Variants in ESCO2 observed in about 807,000 individuals in gnomAD.
The protein encoded by ESCO2 is N-acetyltransferase ESCO2.
Under a neutral mutation model 61.7 loss-of-function variants are expected in ESCO2, and 51 were observed. That is an observed-to-expected ratio of 0.83 (90% CI 0.66 to 1.04). The LOEUF (loss-of-function observed/expected upper bound fraction) is 1.04. Ranked by LOEUF, ESCO2 falls within the 50% of genes least tolerant of loss-of-function variation. The pLI, the probability that ESCO2 is intolerant of heterozygous loss-of-function variation, is 0.00. For missense variants in ESCO2, 692 were observed against 686.2 expected (o/e 1.01, Z -0.09); for synonymous variants, 230 against 238.2 (o/e 0.97, Z 0.32).
downstream of ESCO2, among the ~76,000 whole-genome samples, chr8:27,813,598 A>C (rs540861726): frequency 1.6e-4 from 24 of 152,008 alleles, no homozygotes; most frequent in Admixed American, 7.2e-4. Context: ...GCTAATTAAC[A>C]TATCTATCAC....
chr8:27,810,695 G>A (rs115747705), downstream of ESCO2, among the ~76,000 whole-genome samples: 1,988 of 152,052 alleles, frequency 0.013, 43 homozygotes, highest in African/African-American at 0.045. Context: ...ATAGGTTATC[G>A]ACCCCTACTT....
Position 27,803,867 on chromosome 8 carries a change from G to A in ESCO2, c.*429G>A. 1 of 989,494 alleles carries A rather than the reference G, an allele frequency of 1.0e-6. No homozygotes were observed. 61.3% of individuals were successfully genotyped at this position (989,494 alleles called of 1,614,324 possible). A position where few individuals can be genotyped will look rare whatever the true frequency, so the allele number is the denominator to read the frequency against. On this transcript the variant is annotated 3_prime_UTR_variant, in exon 11 of 11. Coordinates refer to ENST00000305188, the MANE Select transcript of ESCO2 (RefSeq NM_001017420.3). ...AACAGGCAAATTTAAACTTGGGCAA[G>A]TAATTTCTGTGCCCAATTTGTAAAG...
At chr8:27,783,387 G>A (rs182722766) in intron 4 of ESCO2, among the ~76,000 whole-genome samples, 104 of 152,144 alleles carry the variant, frequency 6.8e-4, no homozygotes, top group African/African-American at 2.5e-3. Flanking sequence ...TCAGATATAT[G>A]ATTGCAAATA....
In ESCO2 at chr8:27,784,854, C is replaced by G. The variant is rs560748143; in HGVS notation, c.1013+797C>G. Among the ~76,000 whole-genome samples the G allele has an allele frequency of 3.3e-5, 5 of 152,350 alleles. No individual in the cohort carries two copies. In the East Asian group the frequency reaches 9.6e-4, roughly 29 times the overall value. On this transcript the variant is annotated intron_variant, in intron 5 of 10. Coordinates refer to ENST00000305188, the MANE Select transcript of ESCO2 (RefSeq NM_001017420.3). The stretch of plus-strand genomic sequence containing the variant: ...TTCCCGGCTACATTTTCCTTACTCT[C>G]AGAGCACCTCACCTTAAATTGCCTC...
At chr8:27,781,737 AG>A (rs1366602434) in intron 4 of ESCO2, among the ~76,000 whole-genome samples, 2 of 151,794 alleles carry the variant, frequency 1.3e-5, no homozygotes, top group Non-Finnish European at 2.9e-5. Flanking sequence ...ATTTTTGTTA[AG>A]ATGGGGTTTC....
downstream of ESCO2, among the ~76,000 whole-genome samples, chr8:27,815,953 G>A (rs555811316): frequency 1.8e-4 from 28 of 152,324 alleles, no homozygotes; most frequent in African/African-American, 6.7e-4. Context: ...GGTTGATACA[G>A]AAACAGTTTA....
At position 27,805,166 on chromosome 8, in the gene ESCO2, C is replaced by G. The variant is rs1385914907; in HGVS notation, c.*1728C>G. 1 of 132,318 alleles carries G rather than the reference C, an allele frequency of 7.6e-6. No homozygotes were observed. Among genetic ancestry groups the G allele is most frequent in the Admixed American group, 7.5e-5 (1 of 13,314 alleles). 8.2% of individuals were successfully genotyped at this position (132,318 alleles called of 1,614,324 possible). A position where few individuals can be genotyped will look rare whatever the true frequency, so the allele number is the denominator to read the frequency against. ...GCGCGGTGGCGGGCGCCTGTAGTCCCAGCTACTCGGGAGGCTGAGGCAGGA... is the reference window on the plus strand; with the variant it reads ...GCGCGGTGGCGGGCGCCTGTAGTCCGAGCTACTCGGGAGGCTGAGGCAGGA... On this transcript the variant is annotated 3_prime_UTR_variant, in exon 11 of 11. Coordinates refer to ENST00000305188, the MANE Select transcript of ESCO2 (RefSeq NM_001017420.3).
downstream of ESCO2, among the ~76,000 whole-genome samples, chr8:27,815,820 A>G (rs1805799416): frequency 6.6e-6 from 1 of 152,218 alleles, no homozygotes; most frequent in Non-Finnish European, 1.5e-5. Flanking sequence ...ATAGTATTTA[A>G]ACATAATGGA....
chr8:27,797,953 T>C (rs1473537818), intron 9 of ESCO2, among the ~76,000 whole-genome samples: 1 of 152,222 alleles, frequency 6.6e-6, no homozygotes, highest in Non-Finnish European at 1.5e-5. Flanking sequence ...TGTAGCTAAC[T>C]AACTGTTCTC....
chr8:27,780,438 C>T (rs373541680), intron 4 of ESCO2, among the ~76,000 whole-genome samples, 171 bp downstream of exon 4: 19 of 152,048 alleles, frequency 1.2e-4, no homozygotes, highest in African/African-American at 4.3e-4. Context: ...CAGTGCATTG[C>T]GTTTTGAAAA....
At chr8:27,811,142 A>C, downstream of ESCO2, 1 of 1,613,634 alleles carries the variant, frequency 6.2e-7, no homozygotes, top group Non-Finnish European at 8.5e-7. Context: ...TCACTGAAAC[A>C]AGCAAGATGG....
At chr8:27,806,615 ACTTT>A (rs1172128941), downstream of ESCO2, among the ~76,000 whole-genome samples, 3 of 147,596 alleles carry the variant, frequency 2.0e-5, no homozygotes, top group Admixed American at 6.7e-5. Flanking sequence ...AGTATTGGAT[ACTTT>A]CTTTTTTTTT....
rs1278956671 is a variant in ESCO2 at position 27,791,995 on chromosome 8, T to C, written c.1296T>C (p.Phe432=). 5 of 1,614,180 alleles carry C rather than the reference T, an allele frequency of 3.1e-6. No individual in the cohort carries two copies. The highest frequency in any genetic ancestry group is 4.2e-6 in the Non-Finnish European group (5 of 1,180,022). The change falls in exon 8 of 11, where the codon TTT becomes TTC. Residue 432 remains phenylalanine, a synonymous_variant. Transcript: ENST00000305188. ...AGAAAGAACGTGTAGTAGCAGAGTT[T>C]TGGGATGGGAAAATCGTGTTGGTTC... ...GWKKERVVAE[F]WDGKIVLVLP... is the part of the protein sequence containing the mutation.
intron 9 of ESCO2, 67 bp from the exon 10 acceptor site, chr8:27,799,473 AT>A (rs879156261): frequency 1.8e-4 from 269 of 1,511,464 alleles, no homozygotes; most frequent in South Asian, 2.7e-4. Flanking sequence ...TATTTAAGGA[AT>A]TTTTTTTTAA....
chr8:27,819,287 GTTC>G, the ESCO2 span, among the ~76,000 whole-genome samples: 1 of 151,632 alleles, frequency 6.6e-6, no homozygotes, highest in South Asian at 2.1e-4. Context: ...TCTGCTTTCT[GTTC>G]TTAGGGCGTC....
chr8:27,802,618 AAAAAAAAAAAAAATATATAT>A (rs1307690813), intron 10 of ESCO2, among the ~76,000 whole-genome samples: 2 of 71,180 alleles, frequency 2.8e-5, no homozygotes, highest in Non-Finnish European at 5.4e-5. Flanking sequence ...AAAAAAAAAA[AAAAAAAAAAAAAATATATAT>A]ATATATATAT....
chr8:27,792,841 A>T (rs768868979), intron 9 of ESCO2, 30 bp downstream of exon 9: 2 of 1,543,352 alleles, frequency 1.3e-6, no homozygotes, highest in Admixed American at 2.1e-5. Context: ...AATTATTGGC[A>T]TAATTTGCAG....
At chr8:27,774,219 C>G (rs1188268845), upstream of ESCO2, among the ~76,000 whole-genome samples, 1 of 152,068 alleles carries the variant, frequency 6.6e-6, no homozygotes, top group East Asian at 1.9e-4. Context: ...GCTCTGTCGC[C>G]AGGCTGGAGA....
At chr8:27,793,927 C>T (rs1231959075) in intron 9 of ESCO2, among the ~76,000 whole-genome samples, 3 of 152,162 alleles carry the variant, frequency 2.0e-5, no homozygotes, top group African/African-American at 7.2e-5. Flanking sequence ...CTCTGGCAAC[C>T]ACCATTCTAC....
Sources: gnomAD v4.1 joint callset for allele counts (sites outside exome capture counted in the v4.1 genomes callset) on GRCh38, gnomAD v4.1.1 for gene constraint, MANE v1.5 for transcripts, NCBI Gene and HGNC (gene_info 2026-07-23, HGNC 2026-07-21) for gene names.